Variants in UNC5D observed in about 807,000 individuals in gnomAD.
UNC5D encodes the protein unc-5 netrin receptor D, also known as netrin receptor UNC5D.
UNC5D carries 39 observed loss-of-function variants against 105.4 expected under a neutral mutation model. The ratio of observed to expected loss-of-function variants is 0.37; its 90% CI spans 0.29 to 0.48. The LOEUF is 0.48. Among genes scored for constraint, UNC5D ranks in the 20% least tolerant of loss-of-function variants. The pLI, the probability that UNC5D is intolerant of heterozygous loss-of-function variation, is 0.98. For synonymous variants in UNC5D, 452 were observed against 450.4 expected (o/e 1.00, Z -0.04); for missense variants, 991 against 1,202.4 (o/e 0.82, Z 2.60).
chr8:35,475,381 G>A lies in UNC5D; in HGVS notation c.104-73911G>A, dbSNP rs533447740. Among the ~76,000 whole-genome samples the A allele has an allele frequency of 4.6e-5, 7 of 152,284 alleles. No individual in the cohort carries two copies. The East Asian group carries it at 5.8e-4, about 13-fold the overall frequency. The stretch of plus-strand genomic sequence containing the variant: ...AAGGGGACCTAAAAACAGCCACCAC[G>A]GCCACCCAGAGCCTTGCCACCTGCT... On this transcript the variant is annotated intron_variant, in intron 1 of 16. Transcript: ENST00000404895.
intron 11 of UNC5D, among the ~76,000 whole-genome samples, chr8:35,744,366 G>T (rs1191909905): frequency 6.6e-6 from 1 of 152,108 alleles, no homozygotes; most frequent in Admixed American, 6.5e-5. Context: ...AGATACTTTG[G>T]GAATGTGTAA....
chr8:35,396,684 G>A (rs1377414229), intron 1 of UNC5D, among the ~76,000 whole-genome samples: 2 of 151,970 alleles, frequency 1.3e-5, no homozygotes, highest in African/African-American at 2.4e-5. Flanking sequence ...TTTCAGTAGA[G>A]ACGGGGTTTC....
intron 4 of UNC5D, among the ~76,000 whole-genome samples, chr8:35,623,527 C>T (rs1425012716): frequency 1.3e-5 from 2 of 152,126 alleles, no homozygotes; most frequent in African/African-American, 4.8e-5. Context: ...CAGAAGACGA[C>T]CTTGCCATTG....
At chr8:35,247,444 A>C (rs1803188960) in intron 1 of UNC5D, among the ~76,000 whole-genome samples, 1 of 141,718 alleles carries the variant, frequency 7.1e-6, no homozygotes, top group Admixed American at 8.0e-5. Flanking sequence ...TGTTCCAGTT[A>C]CTTAACATCT....
At chr8:35,558,126 C>CA (rs34368244) in intron 2 of UNC5D, among the ~76,000 whole-genome samples, 9,641 of 83,922 alleles carry the variant, frequency 0.11, 1,411 homozygotes, top group African/African-American at 0.33. Flanking sequence ...AACTTCGTCT[C>CA]AAAAAAAAAA....
intron 1 of UNC5D, among the ~76,000 whole-genome samples, chr8:35,463,874 TA>T (rs1179393406): frequency 9.9e-5 from 15 of 152,174 alleles, no homozygotes; most frequent in African/African-American, 3.6e-4. Context: ...CTGGATATTA[TA>T]TATACTCTGA....
rs915818546 is a variant in UNC5D, at chr8:35,617,028, A to T, written c.570+21371A>T. ...TTCCATGGGCATGAATCAAGAACTC[A>T]TCCCAATCCTGCTGAGGCAGCATGG... On this transcript the variant is annotated intron_variant, in intron 4 of 16. Coordinates refer to ENST00000404895, the MANE Select transcript of UNC5D (RefSeq NM_080872.4). 3.3e-5 allele frequency among the ~76,000 whole-genome samples: 5 copies of T among 152,318 alleles called. No homozygotes were observed. The South Asian group carries it at 1.0e-3, about 32-fold the overall frequency.
At chr8:35,261,693 G>A (rs1448548724) in intron 1 of UNC5D, among the ~76,000 whole-genome samples, 1 of 152,124 alleles carries the variant, frequency 6.6e-6, no homozygotes, top group African/African-American at 2.4e-5. Flanking sequence ...GATATGGACT[G>A]TTGCCCTTAT....
intron 3 of UNC5D, among the ~76,000 whole-genome samples, chr8:35,593,017 T>G (rs555075470): frequency 9.4e-4 from 142 of 150,740 alleles, no homozygotes; most frequent in African/African-American, 3.1e-3. Context: ...GTAATACCGT[T>G]TCCTAGGTCC....
chr8:35,422,120 T>C (rs533521680), intron 1 of UNC5D, among the ~76,000 whole-genome samples: 1 of 152,336 alleles, frequency 6.6e-6, no homozygotes, highest in Non-Finnish European at 1.5e-5. Context: ...ATTAGATGCC[T>C]AGAGAGCCCC....
At chr8:35,598,483 G>T (rs1819627856) in intron 4 of UNC5D, among the ~76,000 whole-genome samples, 2 of 152,164 alleles carry the variant, frequency 1.3e-5, no homozygotes, top group Non-Finnish European at 2.9e-5. Context: ...ATGGAAAACA[G>T]TATGGACGTT....
intron 4 of UNC5D, among the ~76,000 whole-genome samples, chr8:35,615,197 C>T (rs915503818): frequency 6.6e-6 from 1 of 152,128 alleles, no homozygotes; most frequent in African/African-American, 2.4e-5. Flanking sequence ...CATGACTAGT[C>T]CACTGCACTC....
intron 1 of UNC5D, among the ~76,000 whole-genome samples, chr8:35,422,403 A>C (rs936839037): frequency 6.6e-6 from 1 of 152,286 alleles, no homozygotes; most frequent in East Asian, 1.9e-4. Context: ...AGAGAGTTTG[A>C]CTGTTCTCTA....
chr8:35,481,530 T>C (rs980772350), intron 1 of UNC5D, among the ~76,000 whole-genome samples: 6 of 152,208 alleles, frequency 3.9e-5, no homozygotes, highest in African/African-American at 1.4e-4. Context: ...AACATTTCCA[T>C]TGACTTTCTG....
intron 8 of UNC5D, among the ~76,000 whole-genome samples, chr8:35,719,141 T>TACACACACACACACACACACACAC (rs57660135): frequency 1.5e-5 from 2 of 133,076 alleles, no homozygotes; most frequent in Non-Finnish European, 3.2e-5. Context: ...CATGTGCTTA[T>TACACACACACACACACACACACAC]ACACACACAC....
chr8:35,548,511 A>G (rs1217135163), intron 1 of UNC5D, among the ~76,000 whole-genome samples: 1 of 152,136 alleles, frequency 6.6e-6, no homozygotes, highest in Non-Finnish European at 1.5e-5. Context: ...ACAGGGAAGT[A>G]CAGTTTTCCC....
At chr8:35,286,035 G>A (rs374977222) in intron 1 of UNC5D, among the ~76,000 whole-genome samples, 1 of 152,064 alleles carries the variant, frequency 6.6e-6, no homozygotes, top group African/African-American at 2.4e-5. Flanking sequence ...AGGCCCCAAA[G>A]TTTTATATAA....
chr8:35,662,338 G>A (rs1157303798), intron 4 of UNC5D, among the ~76,000 whole-genome samples: 1 of 152,138 alleles, frequency 6.6e-6, no homozygotes, highest in Admixed American at 6.6e-5. Flanking sequence ...TATTGAAGTT[G>A]CAGTAGTTCG....
intron 1 of UNC5D, among the ~76,000 whole-genome samples, chr8:35,417,854 T>C (rs979920416): frequency 6.6e-6 from 1 of 152,212 alleles, no homozygotes; most frequent in Non-Finnish European, 1.5e-5. Flanking sequence ...ATAATCATTA[T>C]GCCAGATACA....
Sources: allele counts gnomAD v4.1 joint callset (sites outside exome capture counted in the v4.1 genomes callset), GRCh38; gene constraint gnomAD v4.1.1; transcripts MANE v1.5; gene names NCBI Gene and HGNC (gene_info 2026-07-23, HGNC 2026-07-21).